Variants in DOCK4 observed in about 807,000 individuals in gnomAD.
The protein encoded by DOCK4 is dedicator of cytokinesis 4.
Under a neutral mutation model 268.1 loss-of-function variants are expected in DOCK4, and 97 were observed. The observed-to-expected ratio is 0.36, with a 90% confidence interval of 0.31 to 0.43. DOCK4 has a LOEUF of 0.43. Ranked by LOEUF, DOCK4 falls within the 20% of genes least tolerant of loss-of-function variation. The pLI is 1.00. For missense variants in DOCK4, 2,145 were observed against 2,455.7 expected, an observed-to-expected ratio of 0.87 and a Z score of 2.67; for synonymous variants, 954 against 887.2, an observed-to-expected ratio of 1.08 and a Z score of -1.34.
At chr7:112,096,198 CAA>C (rs1204290243) in intron 1 of DOCK4, among the ~76,000 whole-genome samples, 3 of 151,276 alleles carry the variant, frequency 2.0e-5, no homozygotes, top group South Asian at 4.2e-4. Flanking sequence ...TTTTTTTAGA[CAA>C]AGTCTTATTC....
chr7:112,174,483 C>T (rs74598930), intron 1 of DOCK4, among the ~76,000 whole-genome samples: 15,496 of 151,958 alleles, frequency 0.1, 958 homozygotes, highest in South Asian at 0.14. Context: ...GGACCAAAAA[C>T]CTTCTCTTTA....
chr7:111,922,502 CAGT>C (rs1285416302), intron 12 of DOCK4, among the ~76,000 whole-genome samples: 1 of 152,030 alleles, frequency 6.6e-6, no homozygotes, highest in Non-Finnish European at 1.5e-5. Context: ...TTGCTGTTTG[CAGT>C]CAGTGCTTAA....
At chr7:112,194,130 C>A (rs1563175471) in intron 1 of DOCK4, among the ~76,000 whole-genome samples, 1 of 152,070 alleles carries the variant, frequency 6.6e-6, no homozygotes, top group African/African-American at 2.4e-5. Context: ...TTTATAGCAC[C>A]CATAAATAAG....
intron 1 of DOCK4, among the ~76,000 whole-genome samples, chr7:112,035,111 C>T (rs1224178765): frequency 6.6e-6 from 1 of 152,076 alleles, no homozygotes; most frequent in East Asian, 1.9e-4. Context: ...TACCCTCACA[C>T]CCTTGGATTA....
chr7:111,786,802 A>G (rs996317454), intron 32 of DOCK4, among the ~76,000 whole-genome samples: 8 of 152,220 alleles, frequency 5.3e-5, no homozygotes, highest in Admixed American at 1.3e-4. Flanking sequence ...TGTTGCCAAA[A>G]AAGCAATTTA....
chr7:111,779,933 G>T (rs972328744), intron 35 of DOCK4, among the ~76,000 whole-genome samples: 1 of 152,196 alleles, frequency 6.6e-6, no homozygotes, highest in Non-Finnish European at 1.5e-5. Flanking sequence ...ACTACTTATT[G>T]TTACTGTTTT....
At chr7:112,050,770 C>A (rs1380767992) in intron 1 of DOCK4, among the ~76,000 whole-genome samples, 1 of 152,022 alleles carries the variant, frequency 6.6e-6, no homozygotes, top group Non-Finnish European at 1.5e-5. Flanking sequence ...CATTTCAATC[C>A]CGATTTTTTT....
chr7:111,933,345 A>G (rs1794426742), intron 12 of DOCK4, among the ~76,000 whole-genome samples: 1 of 137,390 alleles, frequency 7.3e-6, no homozygotes, highest in African/African-American at 2.8e-5. Flanking sequence ...GCCAGGCTGG[A>G]GTGCAGTGGT....
At chr7:111,803,258 C>G (rs1800436014) in intron 30 of DOCK4, among the ~76,000 whole-genome samples, 1 of 152,230 alleles carries the variant, frequency 6.6e-6, no homozygotes, top group Non-Finnish European at 1.5e-5. Flanking sequence ...AACACGGAAT[C>G]TGCAAACCTG....
At chr7:112,201,339 G>A (rs1341333169) in intron 1 of DOCK4, among the ~76,000 whole-genome samples, 1 of 152,160 alleles carries the variant, frequency 6.6e-6, no homozygotes, top group East Asian at 1.9e-4. Flanking sequence ...ATGACTGAGT[G>A]ATACTCGCAC....
intron 1 of DOCK4, among the ~76,000 whole-genome samples, chr7:112,054,576 A>C (rs1200182506): frequency 6.6e-6 from 1 of 152,124 alleles, no homozygotes; most frequent in Non-Finnish European, 1.5e-5. Context: ...GACAAAAAAA[A>C]ACAAAACTAC....
intron 1 of DOCK4, among the ~76,000 whole-genome samples, chr7:112,200,734 A>AAAAAAAT (rs925508475): frequency 1.7e-5 from 2 of 117,744 alleles, no homozygotes; most frequent in Admixed American, 1.7e-4. Context: ...ATAAAAAAAA[A>AAAAAAAT]AAAACAAAAA....
intron 1 of DOCK4, among the ~76,000 whole-genome samples, chr7:112,024,465 C>T (rs973188065): frequency 1.3e-5 from 2 of 152,170 alleles, no homozygotes; most frequent in Admixed American, 6.5e-5. Context: ...AATGCATTCC[C>T]GGCTGCTCAG....
At chr7:111,863,324 C>T (rs1295709257) in intron 23 of DOCK4, 48 bp downstream of exon 23, 1 of 1,607,336 alleles carries the variant, frequency 6.2e-7, no homozygotes, top group Non-Finnish European at 8.5e-7. Flanking sequence ...ACAAAATATA[C>T]AAAATGGCTT....
At chr7:112,196,899 C>T (rs1563178221) in intron 1 of DOCK4, among the ~76,000 whole-genome samples, 1 of 152,184 alleles carries the variant, frequency 6.6e-6, no homozygotes, top group South Asian at 2.1e-4. Context: ...TAGCACCTCA[C>T]ACAGTTCCCT....
intron 1 of DOCK4, among the ~76,000 whole-genome samples, chr7:112,024,282 T>C (rs1034892175): frequency 2.0e-5 from 3 of 152,216 alleles, no homozygotes; most frequent in African/African-American, 7.2e-5. Flanking sequence ...GACTCCCAAA[T>C]TGATATTTCT....
At chr7:111,732,356 T>G (rs923503674) in intron 51 of DOCK4, 69 bp from the exon 52 acceptor site, 2 of 1,533,008 alleles carry the variant, frequency 1.3e-6, no homozygotes, top group Admixed American at 1.7e-5. Flanking sequence ...GCACATGCCC[T>G]CTGTGTTACA....
intron 1 of DOCK4, among the ~76,000 whole-genome samples, chr7:112,161,933 G>C (rs1022666635): frequency 5.9e-5 from 9 of 152,148 alleles, no homozygotes; most frequent in African/African-American, 2.2e-4. Context: ...TCCCCATCCA[G>C]ACTGGTTTCA....
rs149426494 is a variant in DOCK4 at position 112,094,903 on chromosome 7, G to C, written c.38-90772C>G. Among the ~76,000 whole-genome samples the C allele has an allele frequency of 2.5e-3, 381 of 152,164 alleles. 1 individual carries two copies. Among genetic ancestry groups the C allele is most frequent in the African/African-American group, 8.6e-3 (359 of 41,504 alleles). ...GTGCTTGCTCCTCCATTCGTCTTTT[G>C]CCATGATTGGAAGCTCCATGAGGCC... On this transcript the variant is annotated intron_variant, in intron 1 of 52. Transcript: ENST00000428084.
Sources: allele counts gnomAD v4.1 joint callset (sites outside exome capture counted in the v4.1 genomes callset), GRCh38; gene constraint gnomAD v4.1.1; transcripts MANE v1.5; gene names NCBI Gene and HGNC (gene_info 2026-07-23, HGNC 2026-07-21).